The following KIAA1549 variants were observed in gnomAD, a reference collection of about 807,000 sequenced individuals.
The protein encoded by KIAA1549 is UPF0606 protein KIAA1549.
KIAA1549 carries 70 observed loss-of-function variants against 156.4 expected under a neutral mutation model. The observed-to-expected ratio is 0.45, with a 90% CI of 0.37 to 0.55. The LOEUF is 0.55. Ranked by LOEUF, KIAA1549 falls within the 20% of genes least tolerant of loss-of-function variation. KIAA1549 has a pLI of 0.00. For missense variants in KIAA1549, 2,428 were observed against 2,540.9 expected, an observed-to-expected ratio of 0.96 and a Z score of 0.96; for synonymous variants, 1,103 against 1,066.4, an observed-to-expected ratio of 1.03 and a Z score of -0.67.
rs543252740 is a variant in KIAA1549, at chr7:138,872,462, C to A, written c.4346-1100G>T. Among the ~76,000 whole-genome samples, 38 of 151,130 alleles carry A rather than the reference C, an allele frequency of 2.5e-4. 2 individuals are homozygous for A. The South Asian group carries it at 5.6e-3, about 22-fold the overall frequency. On this transcript the variant is annotated intron_variant, in intron 12 of 19. Transcript: ENST00000422774. Reference sequence around the variant, plus strand: ...AATCTTCACATGATGGGTGATTTTTCCCCATGTCTTTTATTTTTGATAATG... The same window carrying A: ...AATCTTCACATGATGGGTGATTTTTACCCATGTCTTTTATTTTTGATAATG...
chr7:138,912,410 C>T lies in KIAA1549; in HGVS notation c.2929G>A (p.Val977Ile). ...QEYIITAIKE[V>I]LRIHFNRAVE... is the part of the protein sequence containing the mutation. ...GCACGGTTGAAGTGAATCCTCAGTA[C>T]TTCTTTGATTGCTGTAATGATGTAC... is the stretch of plus-strand genomic sequence containing the variant. Residue 977 changes from valine to isoleucine, a missense_variant, in exon 3 of 20, where the codon GTA becomes ATA. Val to Ile is a conservative substitution (Grantham distance 29). Around this residue, in one of 5 missense-constraint regions of KIAA1549, gnomAD observed 762 missense variants for 901.6 expected, o/e 0.85. Coordinates refer to ENST00000422774, the MANE Select transcript of KIAA1549 (RefSeq NM_001164665.2). 6.2e-7 allele frequency: 1 copy of T among 1,613,940 alleles called. No individual in the cohort carries two copies. The highest frequency in any genetic ancestry group is 1.1e-5 in the South Asian group (1 of 91,084).
chr7:138,870,743 G>A (rs1810904059), intron 13 of KIAA1549, among the ~76,000 whole-genome samples: 1 of 152,236 alleles, frequency 6.6e-6, no homozygotes, highest in Non-Finnish European at 1.5e-5. Flanking sequence ...AGCAGCTTAT[G>A]CCTTCAGTAA....
At chr7:138,960,776 T>C (rs1813821499) in intron 1 of KIAA1549, among the ~76,000 whole-genome samples, 2 of 152,076 alleles carry the variant, frequency 1.3e-5, no homozygotes, top group Non-Finnish European at 2.9e-5. Flanking sequence ...TGCACGTGCT[T>C]TTCTCAAGAA....
intron 1 of KIAA1549, among the ~76,000 whole-genome samples, chr7:138,962,367 T>C (rs1292724597): frequency 6.6e-6 from 1 of 152,186 alleles, no homozygotes; most frequent in Non-Finnish European, 1.5e-5. Flanking sequence ...TCAATGTCAA[T>C]GTCTAGGCTA....
chr7:138,873,584 A>G (rs1157231246), intron 12 of KIAA1549, among the ~76,000 whole-genome samples: 4 of 150,232 alleles, frequency 2.7e-5, no homozygotes, highest in Non-Finnish European at 5.9e-5. Context: ...GCTGGGAGAC[A>G]AAGGTGACAG....
Position 138,918,951 on chromosome 7 carries a change from G to C in KIAA1549, c.675C>G (p.Ser225=). 6.2e-7 allele frequency: 1 copy of C among 1,614,014 alleles called. No individual in the cohort carries two copies. ...ACCGAAAGGTGTGGAAATGACTGGC[G>C]GACTCAGCATATGCCGCTGGTTGTC... ...TTRQPAAYAE[S]ASHFHTFRSA... The change falls in exon 2 of 20, where the codon TCC becomes TCG. Residue 225 remains serine, a synonymous_variant. Transcript: ENST00000422774. The surrounding 1 kb of genome is among the most constrained non-coding windows in gnomAD (Gnocchi z 4.2).
chr7:138,915,894 A>G (rs1191854138), intron 2 of KIAA1549, among the ~76,000 whole-genome samples: 1 of 152,226 alleles, frequency 6.6e-6, no homozygotes, highest in Non-Finnish European at 1.5e-5. Flanking sequence ...CCGTCGCGGG[A>G]CATGACCCTT....
intron 1 of KIAA1549, among the ~76,000 whole-genome samples, chr7:138,938,922 C>T (rs913294886): frequency 2.6e-5 from 4 of 152,176 alleles, no homozygotes; most frequent in Non-Finnish European, 5.9e-5. Context: ...GTGGCACATG[C>T]CTGTAATCCC....
intron 1 of KIAA1549, among the ~76,000 whole-genome samples, chr7:138,950,271 A>C (rs1813456977): frequency 6.6e-6 from 1 of 152,210 alleles, no homozygotes. Context: ...AAATTTCAGA[A>C]TATATATAAA....
chr7:138,940,034 C>T (rs1248077402), intron 1 of KIAA1549, among the ~76,000 whole-genome samples: 4 of 151,846 alleles, frequency 2.6e-5, no homozygotes, highest in African/African-American at 9.7e-5. Flanking sequence ...TTTTATTATA[C>T]TTTAAGTTTT....
chr7:138,943,685 T>C (rs1441746451), intron 1 of KIAA1549, among the ~76,000 whole-genome samples: 1 of 152,026 alleles, frequency 6.6e-6, no homozygotes, highest in African/African-American at 2.4e-5. Flanking sequence ...CCGTCTCTAC[T>C]AAAAATACAA....
Position 138,869,651 on chromosome 7 carries a change from G to A in KIAA1549, c.4662C>T (p.Ser1554=), listed in dbSNP as rs1810865040. Residue 1554 remains serine, a synonymous_variant, in exon 14 of 20, where the codon TCC becomes TCT. Transcript: ENST00000422774. ...GGTGTCGCTCCTTAGTGTCGCCCGA[G>A]GACAGGTCGTCTACCACCGGGAACT... The part of the protein sequence containing the change: ...HYEFPVVDDL[S]SGDTKERHRV... 1 of 1,611,932 alleles carries A rather than the reference G, an allele frequency of 6.2e-7. No individual in the cohort carries two copies. Among genetic ancestry groups the A allele is most frequent in the African/African-American group, 1.3e-5 (1 of 75,000 alleles).
chr7:138,912,149 T>G (rs149198034), intron 3 of KIAA1549, among the ~76,000 whole-genome samples: 1 of 152,252 alleles, frequency 6.6e-6, no homozygotes, highest in East Asian at 1.9e-4. Context: ...ACACATCCCC[T>G]AAAGGACTAA....
chr7:138,937,468 A>G (rs1423341462), intron 1 of KIAA1549, among the ~76,000 whole-genome samples: 1 of 152,222 alleles, frequency 6.6e-6, no homozygotes, highest in Non-Finnish European at 1.5e-5. Context: ...GTGAAGTGTT[A>G]GCCAAGATAG....
At chr7:138,919,509 A>T in intron 1 of KIAA1549, 71 bp from the exon 2 acceptor site, 1 of 1,536,532 alleles carries the variant, frequency 6.5e-7, no homozygotes, top group Non-Finnish European at 8.8e-7. Context: ...TGTTTCAGGC[A>T]TGAGAATTTA....
At chr7:138,882,714 T>G (rs1811277835) in intron 10 of KIAA1549, among the ~76,000 whole-genome samples, 1 of 152,110 alleles carries the variant, frequency 6.6e-6, no homozygotes, top group Admixed American at 6.6e-5. Flanking sequence ...GAAAGTTCCA[T>G]GTAGTAGAAG....
chr7:138,856,829 T>A (rs1472894436), intron 16 of KIAA1549, among the ~76,000 whole-genome samples: 1 of 152,216 alleles, frequency 6.6e-6, no homozygotes, highest in East Asian at 1.9e-4. Flanking sequence ...AAACATTATT[T>A]CTGGGTGTGT....
At chr7:138,878,437 A>C (rs887937236) in intron 12 of KIAA1549, among the ~76,000 whole-genome samples, 3 of 152,242 alleles carry the variant, frequency 2.0e-5, no homozygotes. Flanking sequence ...ATTTATGATT[A>C]AAAACTGTAA....
intron 16 of KIAA1549, among the ~76,000 whole-genome samples, chr7:138,860,389 C>G (rs981216856): frequency 6.6e-6 from 1 of 152,190 alleles, no homozygotes; most frequent in Non-Finnish European, 1.5e-5. Context: ...TATTGCCACC[C>G]AATTTCATGT....
Sources: gnomAD v4.1 joint callset for allele counts (sites outside exome capture counted in the v4.1 genomes callset) on GRCh38, gnomAD v4.1.1 for gene constraint, gnomAD v4.1.1 regional missense constraint, Gnocchi (gnomAD v3.1) non-coding constraint, MANE v1.5 for transcripts, NCBI Gene and HGNC (gene_info 2026-07-23, HGNC 2026-07-21) for gene names.